The following ROBO1 variants were observed in gnomAD, a reference collection of about 807,000 sequenced individuals.
ROBO1 encodes roundabout guidance receptor 1.
A neutral mutation model predicts 195.9 loss-of-function variants in ROBO1; 149 were observed. The ratio of observed to expected loss-of-function variants is 0.76; its 90% CI spans 0.67 to 0.87. The LOEUF (loss-of-function observed/expected upper bound fraction) is 0.87, where lower values mean the gene tolerates loss of function less well. Ranked by LOEUF, ROBO1 falls within the 40% of genes least tolerant of loss-of-function variation. The pLI, the probability that ROBO1 is intolerant of heterozygous loss-of-function variation, is 0.00. For synonymous variants in ROBO1, 816 were observed against 733.2 expected (o/e 1.11, Z -1.82); for missense variants, 1,933 against 2,068.3 (o/e 0.93, Z 1.27).
chr3:79,210,430 T>C (rs1046323891), intron 2 of ROBO1, among the ~76,000 whole-genome samples: 10 of 152,158 alleles, frequency 6.6e-5, no homozygotes, highest in Non-Finnish European at 1.5e-4. Flanking sequence ...GACACCCTAT[T>C]CAGTAAATGG....
chr3:79,119,074 T>G (rs2080067262), intron 3 of ROBO1, among the ~76,000 whole-genome samples: 1 of 152,168 alleles, frequency 6.6e-6, no homozygotes, highest in African/African-American at 2.4e-5. Context: ...ACGAGAAATA[T>G]CTACATATAT....
intron 2 of ROBO1, among the ~76,000 whole-genome samples, chr3:79,296,153 G>C (rs1037515361): frequency 6.6e-5 from 10 of 152,092 alleles, no homozygotes; most frequent in African/African-American, 2.4e-4. Context: ...CTATAGGGAT[G>C]GGGAAACGTC....
At chr3:79,169,919 TAAAC>T (rs1269701278) in intron 2 of ROBO1, among the ~76,000 whole-genome samples, 6 of 152,270 alleles carry the variant, frequency 3.9e-5, no homozygotes, top group Middle Eastern at 3.4e-3. Context: ...GTAAATTTTA[TAAAC>T]ATTTGAACAT....
chr3:79,360,994 T>C (rs2109303649), intron 2 of ROBO1, among the ~76,000 whole-genome samples: 1 of 152,220 alleles, frequency 6.6e-6, no homozygotes, highest in South Asian at 2.1e-4. Context: ...AGTTTTAACA[T>C]TTGTACAGTT....
chr3:79,524,055 A>T (rs115385995), intron 2 of ROBO1, among the ~76,000 whole-genome samples: 1 of 152,094 alleles, frequency 6.6e-6, no homozygotes. Context: ...TTTTGATGTT[A>T]TGAAGGAAGA....
intron 2 of ROBO1, among the ~76,000 whole-genome samples, chr3:79,521,447 C>T (rs1337627809): frequency 6.6e-6 from 1 of 152,116 alleles, no homozygotes; most frequent in Non-Finnish European, 1.5e-5. Context: ...CTAGGAGTTT[C>T]GTGCGCCCCT....
intron 14 of ROBO1, among the ~76,000 whole-genome samples, chr3:78,663,406 C>T (rs1707544680): frequency 6.6e-6 from 1 of 151,984 alleles, no homozygotes; most frequent in Non-Finnish European, 1.5e-5. Context: ...TAGGACCTGC[C>T]CTCAGGATAA....
intron 2 of ROBO1, among the ~76,000 whole-genome samples, chr3:79,403,182 T>A (rs1448259902): frequency 6.6e-6 from 1 of 152,000 alleles, no homozygotes; most frequent in African/African-American, 2.4e-5. Flanking sequence ...AGGCTCGATA[T>A]TTTAATGCTA....
At chr3:78,790,111 C>G (rs761379667) in intron 4 of ROBO1, among the ~76,000 whole-genome samples, 3 of 152,124 alleles carry the variant, frequency 2.0e-5, no homozygotes, top group Non-Finnish European at 4.4e-5. Flanking sequence ...AACATAATCT[C>G]TCAGGTCTCT....
At chr3:79,397,119 C>T (rs1161883083) in intron 2 of ROBO1, among the ~76,000 whole-genome samples, 2 of 151,702 alleles carry the variant, frequency 1.3e-5, no homozygotes, top group Non-Finnish European at 2.9e-5. Context: ...AATGAAATAG[C>T]AATATATTCA....
At chr3:78,742,835 T>C (rs955304520) in intron 5 of ROBO1, among the ~76,000 whole-genome samples, 4 of 152,168 alleles carry the variant, frequency 2.6e-5, no homozygotes, top group African/African-American at 7.2e-5. Flanking sequence ...TTACATTGAC[T>C]AGAAGCTACT....
intron 2 of ROBO1, among the ~76,000 whole-genome samples, chr3:79,508,248 T>C (rs1268390804): frequency 6.6e-6 from 1 of 151,172 alleles, no homozygotes; most frequent in Non-Finnish European, 1.5e-5. Flanking sequence ...GAACTTAAAG[T>C]ATAATAATAA....
At chr3:79,335,762 G>A (rs2034640959) in intron 2 of ROBO1, among the ~76,000 whole-genome samples, 1 of 152,160 alleles carries the variant, frequency 6.6e-6, no homozygotes, top group African/African-American at 2.4e-5. Context: ...AGCAACTTTG[G>A]GAACTGGGTA....
intron 1 of ROBO1, among the ~76,000 whole-genome samples, chr3:79,658,683 G>A (rs542364375): frequency 5.9e-5 from 9 of 151,894 alleles, no homozygotes; most frequent in Non-Finnish European, 5.9e-5. Context: ...ATTATATTGG[G>A]ATAAATGGGG....
chr3:79,430,565 C>A (rs989634507), intron 2 of ROBO1, among the ~76,000 whole-genome samples: 2 of 152,048 alleles, frequency 1.3e-5, no homozygotes, highest in Non-Finnish European at 2.9e-5. Context: ...ACAAAAGGAG[C>A]ACAGAAGGAA....
At chr3:79,454,292 C>T (rs1375499428) in intron 2 of ROBO1, among the ~76,000 whole-genome samples, 3 of 151,926 alleles carry the variant, frequency 2.0e-5, no homozygotes, top group African/African-American at 7.3e-5. Context: ...AAAATAAGCA[C>T]TGTAATGTTC....
chr3:79,474,678 GA>G (rs1938456616), intron 2 of ROBO1, among the ~76,000 whole-genome samples: 1 of 151,640 alleles, frequency 6.6e-6, no homozygotes, highest in African/African-American at 2.4e-5. Flanking sequence ...AATTATTTTT[GA>G]AAAAAAGAAA....
At chr3:79,440,241 A>G (rs965117495) in intron 2 of ROBO1, among the ~76,000 whole-genome samples, 11 of 152,188 alleles carry the variant, frequency 7.2e-5, no homozygotes, top group African/African-American at 2.6e-4. Flanking sequence ...ATATGTCATG[A>G]AAGTATGTCA....
intron 2 of ROBO1, among the ~76,000 whole-genome samples, chr3:79,325,231 C>T (rs940116951): frequency 6.6e-5 from 10 of 152,170 alleles, no homozygotes; most frequent in Non-Finnish European, 1.3e-4. Flanking sequence ...TCCCGGCCAA[C>T]AGGTCTCTAC....
Sources: allele counts gnomAD v4.1 joint callset (sites outside exome capture counted in the v4.1 genomes callset), GRCh38; gene constraint gnomAD v4.1.1; transcripts MANE v1.5; gene names NCBI Gene and HGNC (gene_info 2026-07-23, HGNC 2026-07-21).